KCNIP1: variants seen among roughly 807,000 people sequenced by gnomAD.
KCNIP1 encodes A-type potassium channel modulatory protein KCNIP1.
KCNIP1 carries 18 observed loss-of-function variants against 33.0 expected under a neutral mutation model. The ratio of observed to expected loss-of-function variants is 0.55; its 90% CI spans 0.38 to 0.81. The LOEUF is 0.81. Ranked by LOEUF, KCNIP1 falls within the 30% of genes least tolerant of loss-of-function variation. The pLI is 0.00. For missense variants in KCNIP1, 238 were observed against 271.6 expected, an observed-to-expected ratio of 0.88 and a Z score of 0.87; for synonymous variants, 93 against 98.3, an observed-to-expected ratio of 0.95 and a Z score of 0.32.
chr5:170,649,224 A>C (rs1027056533), intron 1 of KCNIP1, among the ~76,000 whole-genome samples: 1 of 152,222 alleles, frequency 6.6e-6, no homozygotes, highest in Admixed American at 6.5e-5. Flanking sequence ...TTGCAGTATC[A>C]TTTCAACAGC....
chr5:170,706,695 G>A (rs1763266258), intron 1 of KCNIP1, among the ~76,000 whole-genome samples: 1 of 152,158 alleles, frequency 6.6e-6, no homozygotes, highest in Admixed American at 6.5e-5. Context: ...TACTATTCTT[G>A]TGGCAATTTT....
At chr5:170,636,914 G>C (rs975986963) in intron 1 of KCNIP1, among the ~76,000 whole-genome samples, 3 of 152,062 alleles carry the variant, frequency 2.0e-5, no homozygotes, top group African/African-American at 7.2e-5. Context: ...CAAGGTCATG[G>C]CTTCTAAGTG....
chr5:170,736,203 G>A lies in KCNIP1; in HGVS notation c.*397G>A, dbSNP rs73323014. ...TGAATCTGGAAGCAAGAGGACCTGAGCCAGATGCACACCATCTCTGATGGC... is the reference window on the plus strand; with the variant it reads ...TGAATCTGGAAGCAAGAGGACCTGAACCAGATGCACACCATCTCTGATGGC... On this transcript the variant is annotated 3_prime_UTR_variant, in exon 8 of 8. Coordinates refer to ENST00000328939, the MANE Select transcript of KCNIP1 (RefSeq NM_014592.4). The A allele has an allele frequency of 0.019, 3,528 of 190,582 alleles. 139 individuals are homozygous for A. Among genetic ancestry groups the A allele is most frequent in the African/African-American group, 0.076 (3,285 of 43,280 alleles). The allele number at this position is 190,582 out of a possible 1,614,324, so 11.8% of individuals were successfully genotyped here.
At chr5:170,709,451 T>C (rs147488098) in intron 1 of KCNIP1, among the ~76,000 whole-genome samples, 125 of 152,356 alleles carry the variant, frequency 8.2e-4, no homozygotes, top group African/African-American at 2.9e-3. Flanking sequence ...GATGTAAACA[T>C]AGCTGTGCCA....
At chr5:170,497,794 G>A (rs779030185) in intron 1 of KCNIP1, among the ~76,000 whole-genome samples, 21 of 152,128 alleles carry the variant, frequency 1.4e-4, no homozygotes, top group Non-Finnish European at 2.8e-4. Context: ...CACACTCCTT[G>A]CAGGATCTGG....
intron 1 of KCNIP1, among the ~76,000 whole-genome samples, chr5:170,443,769 T>C (rs1419503006): frequency 6.6e-6 from 1 of 152,190 alleles, no homozygotes; most frequent in Non-Finnish European, 1.5e-5. Context: ...CATCTCATGA[T>C]GCAAATGAAG....
intron 1 of KCNIP1, among the ~76,000 whole-genome samples, chr5:170,625,932 A>G (rs1257350530): frequency 3.3e-5 from 5 of 152,172 alleles, no homozygotes; most frequent in Admixed American, 3.3e-4. Flanking sequence ...GGGGATGGGC[A>G]TTGCAGGCAA....
intron 1 of KCNIP1, among the ~76,000 whole-genome samples, chr5:170,675,939 T>G (rs1762115250): frequency 1.4e-5 from 2 of 147,104 alleles, no homozygotes; most frequent in South Asian, 4.5e-4. Flanking sequence ...TAAAGGACAT[T>G]TTAGACCTTA....
chr5:170,605,065 C>A (rs957390273), intron 1 of KCNIP1, among the ~76,000 whole-genome samples: 1 of 152,204 alleles, frequency 6.6e-6, no homozygotes, highest in African/African-American at 2.4e-5. Flanking sequence ...CTGGGCTTCG[C>A]AGGCCAACTT....
chr5:170,701,507 A>G (rs1763099684), intron 1 of KCNIP1, among the ~76,000 whole-genome samples: 7 of 152,188 alleles, frequency 4.6e-5, no homozygotes. Flanking sequence ...CTGCTAATGT[A>G]TTCACAAACT....
At chr5:170,589,793 G>A (rs62394314) in intron 1 of KCNIP1, among the ~76,000 whole-genome samples, 3 of 37,456 alleles carry the variant, frequency 8.0e-5, no homozygotes, top group Non-Finnish European at 3.0e-4. Flanking sequence ...ATGTGATGTG[G>A]TGTGCGGTGC....
At chr5:170,619,407 A>T (rs1402441447) in intron 1 of KCNIP1, among the ~76,000 whole-genome samples, 1 of 152,124 alleles carries the variant, frequency 6.6e-6, no homozygotes, top group Non-Finnish European at 1.5e-5. Context: ...TAAGGGAGGT[A>T]TGAGATGTAA....
chr5:170,719,089 C>A (rs1205167173), intron 2 of KCNIP1, among the ~76,000 whole-genome samples: 1 of 152,064 alleles, frequency 6.6e-6, no homozygotes, highest in Non-Finnish European at 1.5e-5. Context: ...AGACAGTAAA[C>A]GGCCAACTGC....
intron 1 of KCNIP1, among the ~76,000 whole-genome samples, chr5:170,394,961 G>C (rs1754719908): frequency 2.0e-5 from 3 of 152,192 alleles, no homozygotes. Context: ...ATATTCCAAG[G>C]TGTATACGTA....
In KCNIP1 at chr5:170,407,207, C is replaced by T. The variant is rs79378224; in HGVS notation, c.88+53243C>T. On this transcript the variant is annotated intron_variant, in intron 1 of 7. Transcript: ENST00000377360. ...AAGAGTGACAGCATGCTACTGCTAG[C>T]GGGGGAAGCTGCACGTGCCATGGTT... Among the ~76,000 whole-genome samples, 87 of 152,300 alleles carry T rather than the reference C, an allele frequency of 5.7e-4. No individual in the cohort carries two copies. In the East Asian group the frequency reaches 0.012, roughly 22 times the overall value.
At chr5:170,508,746 G>A (rs983907550) in intron 1 of KCNIP1, among the ~76,000 whole-genome samples, 46 of 152,120 alleles carry the variant, frequency 3.0e-4, no homozygotes, top group Admixed American at 2.4e-3. Flanking sequence ...AAATTCCACC[G>A]ACATTCCAAG....
At chr5:170,728,219 C>T (rs1029363337) in intron 5 of KCNIP1, among the ~76,000 whole-genome samples, 29 of 152,024 alleles carry the variant, frequency 1.9e-4, no homozygotes, top group African/African-American at 5.3e-4. Context: ...TGGTAACACG[C>T]GGAGATTCTC....
intron 1 of KCNIP1, among the ~76,000 whole-genome samples, chr5:170,484,742 T>C (rs1427739955): frequency 6.7e-6 from 1 of 149,756 alleles, no homozygotes; most frequent in East Asian, 2.0e-4. Flanking sequence ...TTAGCCAGGC[T>C]CCTTTTCGCC....
intron 1 of KCNIP1, among the ~76,000 whole-genome samples, chr5:170,444,891 C>T (rs4041730): frequency 0.66 from 100,713 of 151,856 alleles, 34,183 homozygotes; most frequent in African/African-American, 0.82. Flanking sequence ...CCTCCAGCTG[C>T]CTCAGCCCAC....
Sources: allele counts gnomAD v4.1 joint callset (sites outside exome capture counted in the v4.1 genomes callset), GRCh38; gene constraint gnomAD v4.1.1; transcripts MANE v1.5; gene names NCBI Gene and HGNC (gene_info 2026-07-23, HGNC 2026-07-21).